Variants in DARS2 observed in about 807,000 individuals in gnomAD.
DARS2 encodes aspartyl-tRNA synthetase 2, mitochondrial.
Under a neutral mutation model 83.0 loss-of-function variants are expected in DARS2, and 63 were observed. That is an observed-to-expected ratio of 0.76 (90% CI 0.62 to 0.94). The LOEUF (loss-of-function observed/expected upper bound fraction) is 0.94, where lower values mean the gene tolerates loss of function less well. Among genes scored for constraint, DARS2 ranks in the 40% least tolerant of loss-of-function variants. The pLI, the probability that DARS2 is intolerant of heterozygous loss-of-function variation, is 0.00. For synonymous variants in DARS2, 250 were observed against 269.3 expected, an observed-to-expected ratio of 0.93 and a Z score of 0.70; for missense variants, 675 against 774.4, an observed-to-expected ratio of 0.87 and a Z score of 1.52.
At chr1:173,847,633 T>C (rs1371562056) in intron 12 of DARS2, among the ~76,000 whole-genome samples, 3 of 152,178 alleles carry the variant, frequency 2.0e-5, no homozygotes, top group African/African-American at 7.2e-5. Flanking sequence ...CCATTAATGA[T>C]GAAATGCAAT....
At chr1:173,849,878 T>G (rs1571995209) in intron 12 of DARS2, among the ~76,000 whole-genome samples, 1 of 148,050 alleles carries the variant, frequency 6.8e-6, no homozygotes, top group East Asian at 2.0e-4. Context: ...TTTTTTTTTT[T>G]TTTGAGTCTC....
chr1:173,825,406 T>C, intron 1 of DARS2, 50 bp downstream of exon 1: 1 of 1,586,014 alleles, frequency 6.3e-7, no homozygotes, highest in Non-Finnish European at 8.6e-7. Flanking sequence ...CAGCCTGTTA[T>C]CTACGGCCGG....
chr1:173,842,284 CTTTTTTTTT>C (rs1178547914), intron 11 of DARS2, among the ~76,000 whole-genome samples: 4 of 64,250 alleles, frequency 6.2e-5, no homozygotes, highest in Admixed American at 2.6e-4. Context: ...TCATTACTTT[CTTTTTTTTT>C]TTTTTTTTTT....
rs1653124889 is a variant in DARS2, at chr1:173,839,403, A to T, written c.877A>T (p.Ile293Phe). The change falls in exon 10 of 17, where the codon ATC becomes TTC. Residue 293 changes from isoleucine to phenylalanine, a missense_variant. Ile to Phe is a conservative substitution (Grantham distance 21). Transcript: ENST00000649689. The part of the protein sequence containing the change: ...IEMSFVDQTG[I>F]QSLIEGLLQY... ...GATGTCATTTGTAGACCAGACTGGG[A>T]TCCAGAGTTTAATTGAGGGTTTGCT... 1 of 1,614,166 alleles carries T rather than the reference A, an allele frequency of 6.2e-7. No individual in the cohort carries two copies. The highest frequency in any genetic ancestry group is 8.5e-7 in the Non-Finnish European group (1 of 1,180,012).
intron 1 of DARS2, 75 bp from the exon 2 acceptor site, chr1:173,826,612 C>T: frequency 1.8e-6 from 2 of 1,097,810 alleles, no homozygotes; most frequent in Non-Finnish European, 2.7e-6. Context: ...TGAGAATTTT[C>T]ATTTTTAAGC....
intron 11 of DARS2, 82 bp from the exon 12 acceptor site, chr1:173,845,147 A>G: frequency 2.3e-6 from 2 of 885,500 alleles, no homozygotes; most frequent in Non-Finnish European, 3.8e-6. Flanking sequence ...GACACAAAAT[A>G]TATTTGTCAT....
At position 173,853,883 on chromosome 1, in the gene DARS2, A is replaced by C. The variant is rs1338637636; in HGVS notation, c.1652A>C (p.Tyr551Ser). The change falls in exon 15 of 17, where the codon TAT becomes TCT. Residue 551 changes from tyrosine (Y) to serine (S), a missense_variant. Transcript: ENST00000649689. ...ATTCACAATGCAGAGCTGCAGCGTT[A>C]TATCCTGGCAACCTTACTAAAGGTA... ...IRIHNAELQR[Y>S]ILATLLKEDV... The C allele has an allele frequency of 1.9e-6, 3 of 1,614,086 alleles. No individual in the cohort carries two copies. The highest frequency in any genetic ancestry group is 2.5e-6 in the Non-Finnish European group (3 of 1,179,942).
chr1:173,851,500 T>C (rs562507020), intron 13 of DARS2, among the ~76,000 whole-genome samples: 1 of 152,296 alleles, frequency 6.6e-6, no homozygotes, highest in South Asian at 2.1e-4. Context: ...GCTGGAGGGC[T>C]GGCAGACACC....
chr1:173,836,950 A>T lies in DARS2; in HGVS notation c.674A>T (p.Glu225Val). The change falls in exon 8 of 17, where the codon GAG becomes GTG. Residue 225 changes from glutamate to valine, a missense_variant. By Grantham distance (121) the Glu-to-Val change is moderately radical. Coordinates refer to ENST00000649689, the MANE Select transcript of DARS2 (RefSeq NM_018122.5). The part of the protein sequence containing the change: ...LFKRTPGGAK[E>V]FLVPSREPGK... ...CTCTCTCTTTGAAAGGGTGCCAAAG[A>T]GTTTTTAGTACCATCCAGGGAACCT... The T allele has an allele frequency of 4.3e-6, 7 of 1,613,898 alleles. No individual in the cohort carries two copies. Among genetic ancestry groups the T allele is most frequent in the Non-Finnish European group, 5.9e-6 (7 of 1,179,832 alleles).
chr1:173,834,743 TTTTTTTTTTTTTTTG>T (rs1652925656), intron 7 of DARS2, among the ~76,000 whole-genome samples: 2 of 132,244 alleles, frequency 1.5e-5, no homozygotes, highest in African/African-American at 6.6e-5. Context: ...TTTTTTTTTT[TTTTTTTTTTTTTTTG>T]GTTTGTTTTG....
chr1:173,855,349 G>A (rs1272679952), intron 15 of DARS2, among the ~76,000 whole-genome samples: 1 of 152,124 alleles, frequency 6.6e-6, no homozygotes, highest in African/African-American at 2.4e-5. Context: ...AGATCCACCC[G>A]CCTTGGCCTC....
intron 12 of DARS2, 45 bp from the exon 13 acceptor site, chr1:173,850,282 T>TC (rs1653601434): frequency 9.4e-7 from 1 of 1,064,954 alleles, no homozygotes; most frequent in African/African-American, 2.2e-5. Flanking sequence ...ATCCCACTGT[T>TC]CAAAAAAAAA....
At chr1:173,828,421 T>C (rs1346509902) in intron 3 of DARS2, 22 bp downstream of exon 3, 1 of 1,606,978 alleles carries the variant, frequency 6.2e-7, no homozygotes, top group African/African-American at 1.3e-5. Context: ...TTTCCTGTTA[T>C]TATCTAAAAG....
At chr1:173,831,948 T>C (rs1652810289) in intron 5 of DARS2, among the ~76,000 whole-genome samples, 1 of 152,322 alleles carries the variant, frequency 6.6e-6, no homozygotes, top group East Asian at 1.9e-4. Flanking sequence ...TGAAAGGAAA[T>C]TTATGTCTAG....
intron 15 of DARS2, 21 bp downstream of exon 15, chr1:173,853,926 T>A: frequency 6.4e-7 from 1 of 1,568,542 alleles, no homozygotes; most frequent in Non-Finnish European, 8.8e-7. Context: ...TCATCTGCTA[T>A]CCTGGGCTTA....
chr1:173,838,313 A>C, intron 9 of DARS2, 54 bp downstream of exon 9: 1 of 1,342,142 alleles, frequency 7.5e-7, no homozygotes, highest in Non-Finnish European at 1.1e-6. Context: ...ATTTTGAAAT[A>C]GTATTTTCAA....
At chr1:173,850,195 G>A in intron 12 of DARS2, 132 bp from the exon 13 acceptor site, 1 of 1,049,524 alleles carries the variant, frequency 9.5e-7, no homozygotes, top group East Asian at 2.8e-5. Context: ...TGGGTTCATG[G>A]AGATAATAGA....
At chr1:173,850,602 A>AAT in intron 13 of DARS2, 123 bp downstream of exon 13, 6 of 1,100,150 alleles carry the variant, frequency 5.5e-6, no homozygotes, top group African/African-American at 1.9e-5. Context: ...GCTCTGCATA[A>AAT]ATCTTTTTTT....
At position 173,831,512 on chromosome 1, in the gene DARS2, ACCCTT is replaced by A; in HGVS notation, c.397-20_397-16del. On this transcript the variant is annotated intron_variant, in intron 4 of 16. Transcript: ENST00000649689. ...TATATCCTGATGAGTAATTTTTAAA[ACCCTT>A]CCTTCTCACTCTCCAAGAAAATGCC... The A allele has an allele frequency of 6.4e-7, 1 of 1,556,386 alleles. No individual in the cohort carries two copies. The highest frequency in any genetic ancestry group is 8.9e-7 in the Non-Finnish European group (1 of 1,127,588).
Sources: gnomAD v4.1 joint callset for allele counts (sites outside exome capture counted in the v4.1 genomes callset) on GRCh38, gnomAD v4.1.1 for gene constraint, MANE v1.5 for transcripts, NCBI Gene and HGNC (gene_info 2026-07-23, HGNC 2026-07-21) for gene names.